The following ZNF469 variants were observed in gnomAD, a reference collection of about 807,000 sequenced individuals.
ZNF469 encodes zinc finger protein 469.
In ZNF469, 1 loss-of-function variant was observed where a neutral mutation model predicts 1.0. That is an observed-to-expected ratio of 1.00 (90% CI 0.35 to 4.73). The LOEUF (loss-of-function observed/expected upper bound fraction) is 4.73. Among genes scored for constraint, ZNF469 ranks in the 30% most tolerant of loss-of-function variants. ZNF469 has a pLI of 0.16. For synonymous variants in ZNF469, 2,703 were observed against 2,363.4 expected, an observed-to-expected ratio of 1.14 and a Z score of -4.17; for missense variants, 6,100 against 5,356.3, an observed-to-expected ratio of 1.14 and a Z score of -4.33.
chr16:88,433,915 C>T lies in ZNF469; in HGVS notation c.6445C>T (p.Gln2149Ter), dbSNP rs1222304580. The change falls in exon 3 of 3, where the codon CAG becomes TAG. Residue 2149 changes from glutamine to a stop codon, truncating the protein, a stop_gained. Transcript: ENST00000565624. LOFTEE classifies it low-confidence loss of function (END_TRUNC). ...PSRAQGGLGG[Q>*]LPASPSCRDP... is the part of the protein sequence containing the mutation. ...CAGGGCCCAAGGTGGGCTGGGGGGG[C>T]AGCTGCCAGCATCTCCGTCCTGCAG... 6.5e-7 allele frequency: 1 copy of T among 1,549,170 alleles called. No individual in the cohort carries two copies. Among genetic ancestry groups the T allele is most frequent in the African/African-American group, 1.4e-5 (1 of 73,052 alleles).
the ZNF469 span, among the ~76,000 whole-genome samples, chr16:88,136,979 T>A: frequency 6.6e-6 from 1 of 152,360 alleles, no homozygotes; most frequent in Admixed American, 6.5e-5. Context: ...TATGGATGCA[T>A]ACAGCCATGT....
chr16:88,400,978 G>A (rs750004947), intron 1 of ZNF469, among the ~76,000 whole-genome samples: 4 of 152,062 alleles, frequency 2.6e-5, no homozygotes, highest in Non-Finnish European at 4.4e-5. Flanking sequence ...ACCGGAGGGG[G>A]ATGGAAGGGC....
chr16:88,247,531 A>AGTGAGTGAATGAGTGG, the ZNF469 span, among the ~76,000 whole-genome samples: 1 of 152,072 alleles, frequency 6.6e-6, no homozygotes, highest in Non-Finnish European at 1.5e-5. Flanking sequence ...TGAATGAGTG[A>AGTGAGTGAATGAGTGG]GTGAGTGAAT....
chr16:88,139,572 T>A, the ZNF469 span, among the ~76,000 whole-genome samples: 1 of 150,238 alleles, frequency 6.7e-6, no homozygotes, highest in Admixed American at 6.6e-5. Context: ...ATCCAAAACC[T>A]TTTTGTCCCC....
the ZNF469 span, among the ~76,000 whole-genome samples, chr16:88,291,162 C>T: frequency 6.6e-6 from 1 of 152,176 alleles, no homozygotes; most frequent in Non-Finnish European, 1.5e-5. Context: ...TCCCCACTCC[C>T]CTCTTGGCTC....
At chr16:88,223,364 C>G in the ZNF469 span, among the ~76,000 whole-genome samples, 2 of 152,216 alleles carry the variant, frequency 1.3e-5, no homozygotes, top group East Asian at 3.8e-4. Flanking sequence ...CCTTCCCTCC[C>G]CAGACACATG....
At chr16:88,328,032 C>T in the ZNF469 span, among the ~76,000 whole-genome samples, 1 of 152,232 alleles carries the variant, frequency 6.6e-6, no homozygotes, top group Admixed American at 6.5e-5. Flanking sequence ...GCAGCAGCTC[C>T]CGGCACACAC....
Position 88,432,482 on chromosome 16 carries a change from T to G in ZNF469, c.5012T>G (p.Leu1671Arg), listed in dbSNP as rs1906270327. Residue 1671 changes from leucine to arginine, a missense_variant, in exon 3 of 3, where the codon CTT becomes CGT. By Grantham distance (102) the Leu-to-Arg change is moderately radical. Coordinates refer to ENST00000565624, the MANE Select transcript of ZNF469 (RefSeq NM_001367624.2). ...PASFHPGHAA[L>R]LPCAQEDLVS... Reference sequence around the variant, plus strand: ...TCCTTCCATCCGGGACATGCAGCCCTTCTCCCCTGTGCCCAGGAAGACCTG... The same window carrying G: ...TCCTTCCATCCGGGACATGCAGCCCGTCTCCCCTGTGCCCAGGAAGACCTG... 6.5e-7 allele frequency: 1 copy of G among 1,550,240 alleles called. No individual in the cohort carries two copies. Among genetic ancestry groups the G allele is most frequent in the African/African-American group, 1.4e-5 (1 of 73,056 alleles).
intron 1 of ZNF469, among the ~76,000 whole-genome samples, chr16:88,418,653 C>T (rs1394633495): frequency 1.3e-5 from 2 of 151,650 alleles, no homozygotes; most frequent in African/African-American, 4.8e-5. Flanking sequence ...CCCGATAAGA[C>T]AGGACGAACA....
the ZNF469 span, among the ~76,000 whole-genome samples, chr16:88,301,572 T>C: frequency 1.1e-4 from 17 of 152,126 alleles, no homozygotes; most frequent in Non-Finnish European, 1.3e-4. Context: ...GTCAGGCGAG[T>C]AGGGGACACA....
chr16:88,345,291 G>A, the ZNF469 span, among the ~76,000 whole-genome samples: 1 of 152,214 alleles, frequency 6.6e-6, no homozygotes, highest in South Asian at 2.1e-4. Flanking sequence ...GCCTGTGCTG[G>A]CAACAAGCTG....
chr16:88,155,739 C>T, the ZNF469 span, among the ~76,000 whole-genome samples: 3 of 152,188 alleles, frequency 2.0e-5, no homozygotes, highest in South Asian at 2.1e-4. Flanking sequence ...TTGGCCATTA[C>T]AAATAACGCT....
chr16:88,275,706 G>A, the ZNF469 span, among the ~76,000 whole-genome samples: 1 of 152,196 alleles, frequency 6.6e-6, no homozygotes, highest in African/African-American at 2.4e-5. Flanking sequence ...TGTTTGTCAC[G>A]AGCCTGATTT....
the ZNF469 span, among the ~76,000 whole-genome samples, chr16:88,116,728 G>C: frequency 2.0e-5 from 3 of 152,150 alleles, no homozygotes; most frequent in Non-Finnish European, 4.4e-5. Context: ...ACCTCAAAAA[G>C]CCTGTACATG....
the ZNF469 span, among the ~76,000 whole-genome samples, chr16:88,142,493 G>C: frequency 1.3e-5 from 2 of 152,240 alleles, no homozygotes; most frequent in African/African-American, 4.8e-5. Context: ...CAACAGCCCA[G>C]TGTGAGCCTC....
At chr16:88,150,542 C>A in the ZNF469 span, among the ~76,000 whole-genome samples, 185 of 152,242 alleles carry the variant, frequency 1.2e-3, no homozygotes, top group African/African-American at 4.3e-3. Context: ...AATAGCTGCT[C>A]CCCCTTTGTG....
the ZNF469 span, among the ~76,000 whole-genome samples, chr16:88,306,126 A>G: frequency 1.3e-5 from 2 of 152,238 alleles, no homozygotes; most frequent in Non-Finnish European, 2.9e-5. Context: ...GGAAGTCACA[A>G]GGCAGGGGCT....
chr16:88,365,727 T>A, the ZNF469 span, among the ~76,000 whole-genome samples: 2 of 152,088 alleles, frequency 1.3e-5, no homozygotes, highest in Non-Finnish European at 2.9e-5. Flanking sequence ...CAGGGCTGAG[T>A]GTGGTTGCAG....
At chr16:88,379,459 C>G (rs993856178), upstream of ZNF469, among the ~76,000 whole-genome samples, 1 of 152,064 alleles carries the variant, frequency 6.6e-6, no homozygotes, top group Non-Finnish European at 1.5e-5. Context: ...CTTTTCAGCT[C>G]TCTGATGGCT....
Sources: gnomAD v4.1 joint callset for allele counts (sites outside exome capture counted in the v4.1 genomes callset) on GRCh38, gnomAD v4.1.1 for gene constraint, MANE v1.5 for transcripts, NCBI Gene and HGNC (gene_info 2026-07-23, HGNC 2026-07-21) for gene names.